The following SH3PXD2B variants were observed in gnomAD, a reference collection of about 807,000 sequenced individuals.
SH3PXD2B encodes the protein SH3 and PX domains 2B, also known as SH3 and PX domain-containing protein 2B.
In SH3PXD2B, 37 loss-of-function variants were observed where a neutral mutation model predicts 73.1. The ratio of observed to expected loss-of-function variants is 0.51; its 90% CI spans 0.39 to 0.67. SH3PXD2B has a LOEUF of 0.67. Among genes scored for constraint, SH3PXD2B ranks in the 30% least tolerant of loss-of-function variants. SH3PXD2B has a pLI of 0.00. For synonymous variants in SH3PXD2B, 457 were observed against 480.5 expected, an observed-to-expected ratio of 0.95 and a Z score of 0.64; for missense variants, 1,053 against 1,197.8, an observed-to-expected ratio of 0.88 and a Z score of 1.78.
At position 172,394,622 on chromosome 5, in the gene SH3PXD2B, G is replaced by T. The variant is rs61755907; in HGVS notation, c.250C>A (p.Arg84=). Residue 84 remains arginine, a synonymous_variant, in exon 4 of 13, where the codon CGA becomes AGA. Coordinates refer to ENST00000311601, the MANE Select transcript of SH3PXD2B (RefSeq NM_001017995.3). ...ACAGCCACGTCCCGGATGTGGCTTC[G>T]TCTGAAGAGAATCTTACCTGCAGAA... ...PFLPGKILFR[R]SHIRDVAVKR... is the part of the protein sequence containing the mutation. The T allele has an allele frequency of 2.5e-6, 4 of 1,614,078 alleles. No homozygotes were observed. The South Asian group carries it at 4.4e-5, about 18-fold the overall frequency.
chr5:172,404,826 T>C (rs1758515707), intron 3 of SH3PXD2B, among the ~76,000 whole-genome samples: 1 of 152,152 alleles, frequency 6.6e-6, no homozygotes, highest in South Asian at 2.1e-4. Context: ...GAGGGGGGCA[T>C]GCTGGGATTG....
intron 2 of SH3PXD2B, among the ~76,000 whole-genome samples, chr5:172,410,264 G>A (rs1262627834): frequency 1.3e-5 from 2 of 152,192 alleles, no homozygotes; most frequent in African/African-American, 2.4e-5. Context: ...CCCACCAACT[G>A]TGTGTAAGAG....
At chr5:172,379,593 C>T (rs1301175878) in intron 5 of SH3PXD2B, among the ~76,000 whole-genome samples, 1 of 152,194 alleles carries the variant, frequency 6.6e-6, no homozygotes, top group East Asian at 1.9e-4. Context: ...GCATCTTGAT[C>T]AACTCTTAAG....
intron 1 of SH3PXD2B, among the ~76,000 whole-genome samples, chr5:172,453,117 T>TAGA (rs199541132): frequency 0.012 from 1,829 of 152,174 alleles, 36 homozygotes; most frequent in African/African-American, 0.04. Flanking sequence ...TAAGAATTAG[T>TAGA]TCTTAAAAAA....
In SH3PXD2B at chr5:172,422,400, G is replaced by T; in HGVS notation, c.156+16C>A. On this transcript the variant is annotated intron_variant, in intron 2 of 12. Transcript: ENST00000311601. ...CTTTCCGATCCTGCAGCTCACCAGA[G>T]ACCTCAAATCCTTACCTGGAGGTCA... 1 of 1,599,814 alleles carries T rather than the reference G, an allele frequency of 6.3e-7. No individual in the cohort carries two copies. Among genetic ancestry groups the T allele is most frequent in the Non-Finnish European group, 8.5e-7 (1 of 1,172,976 alleles).
intron 8 of SH3PXD2B, 95 bp from the exon 9 acceptor site, chr5:172,354,100 T>C: frequency 8.0e-7 from 1 of 1,243,858 alleles, no homozygotes; most frequent in South Asian, 1.2e-5. Context: ...GGAGGGAGGA[T>C]TTCCTTCAGA....
intron 4 of SH3PXD2B, among the ~76,000 whole-genome samples, chr5:172,392,741 C>A (rs1006022029): frequency 2.0e-5 from 3 of 152,084 alleles, no homozygotes; most frequent in Non-Finnish European, 4.4e-5. Flanking sequence ...GCCGAGATGG[C>A]GCCACGGCAC....
intron 1 of SH3PXD2B, among the ~76,000 whole-genome samples, chr5:172,435,369 TG>T (rs1415622084): frequency 6.6e-6 from 1 of 152,196 alleles, no homozygotes; most frequent in African/African-American, 2.4e-5. Flanking sequence ...AGATTGAGAA[TG>T]AGGATGGTCC....
At chr5:172,434,782 G>GTTTTTTTTTGTTTGTTT (rs1554087272) in intron 1 of SH3PXD2B, among the ~76,000 whole-genome samples, 20 of 66,334 alleles carry the variant, frequency 3.0e-4, no homozygotes, top group African/African-American at 9.2e-4. Flanking sequence ...ATGGCCAATG[G>GTTTTTTTTTGTTTGTTT]TTTTTTTTTT....
At chr5:172,325,487 CTGAG>C (rs1406306416) in intron 12 of SH3PXD2B, 9 of 674,382 alleles carry the variant, frequency 1.3e-5, no homozygotes, top group Non-Finnish European at 2.0e-5. Context: ...ATACCGCAGA[CTGAG>C]TAATTTATAA....
intron 1 of SH3PXD2B, among the ~76,000 whole-genome samples, chr5:172,446,428 G>A (rs1190091277): frequency 6.6e-6 from 1 of 152,204 alleles, no homozygotes; most frequent in African/African-American, 2.4e-5. Context: ...CAGCTGCAGG[G>A]ACCCACAGCT....
intron 2 of SH3PXD2B, 96 bp downstream of exon 2, chr5:172,422,320 A>G: frequency 8.4e-7 from 1 of 1,194,644 alleles, no homozygotes; most frequent in Non-Finnish European, 1.2e-6. Flanking sequence ...AAGTCTGGGA[A>G]ATTAAAAAAA....
intron 1 of SH3PXD2B, among the ~76,000 whole-genome samples, chr5:172,434,784 T>TTTTTTTTTTTTGTTTTG (rs1561581262): frequency 1.6e-5 from 1 of 63,450 alleles, no homozygotes; most frequent in African/African-American, 4.6e-5. Flanking sequence ...GGCCAATGGT[T>TTTTTTTTTTTTGTTTTG]TTTTTTTTTT....
chr5:172,436,755 CA>C (rs1172672803), intron 1 of SH3PXD2B, among the ~76,000 whole-genome samples: 1 of 152,246 alleles, frequency 6.6e-6, no homozygotes, highest in Non-Finnish European at 1.5e-5. Context: ...ACAGCTTCTG[CA>C]GCGGGTCATC....
Position 172,335,792 on chromosome 5 carries a change from G to GTA in SH3PXD2B, c.*2576_*2577insTA. The GTA allele has an allele frequency of 1.6e-6, 2 of 1,230,192 alleles. No individual in the cohort carries two copies. The highest frequency in any genetic ancestry group is 2.0e-6 in the Non-Finnish European group (2 of 987,548). 76.2% of individuals were successfully genotyped at this position (1,230,192 alleles called of 1,614,324 possible). On this transcript the variant is annotated 3_prime_UTR_variant, in exon 13 of 13. Transcript: ENST00000311601. The stretch of plus-strand genomic sequence containing the variant: ...CCACCCTGACCCACCCACTGCCTGG[G>GTA]GAAGTGTCTACCATTGTAGGAAAAG...
At chr5:172,329,773 G>A (rs1270225654), downstream of SH3PXD2B, among the ~76,000 whole-genome samples, 5 of 151,954 alleles carry the variant, frequency 3.3e-5, no homozygotes, top group African/African-American at 7.3e-5. Context: ...TCCTGACCTC[G>A]TGATCCGCCC....
Position 172,337,729 on chromosome 5 carries a change from A to T in SH3PXD2B, c.*640T>A. 2.0e-6 allele frequency: 2 copies of T among 992,862 alleles called. No individual in the cohort carries two copies. The highest frequency in any genetic ancestry group is 2.4e-6 in the Non-Finnish European group (2 of 834,360). 61.5% of individuals were successfully genotyped at this position (992,862 alleles called of 1,614,324 possible). A position where few individuals can be genotyped will look rare whatever the true frequency, so the allele number is the denominator to read the frequency against. On this transcript the variant is annotated 3_prime_UTR_variant, in exon 13 of 13. Coordinates refer to ENST00000311601, the MANE Select transcript of SH3PXD2B (RefSeq NM_001017995.3). ...GGTCCCAAGATAGAAGGTGGGAGGC[A>T]GGGCGGCTGAGCGGATCTCCAGGCC...
rs995729689 is a variant in SH3PXD2B, at chr5:172,353,509, C to T, written c.785+379G>A. On this transcript the variant is annotated intron_variant, in intron 9 of 12. Coordinates refer to ENST00000311601, the MANE Select transcript of SH3PXD2B (RefSeq NM_001017995.3). The surrounding 1 kb of genome is among the most constrained non-coding windows in gnomAD (Gnocchi z 4.3). ...TATCAGCCTAGGACGAATTACAGTC[C>T]ATGAGTGTTTATGCACCATCTTGTT... Among the ~76,000 whole-genome samples, 10 of 152,296 alleles carry T rather than the reference C, an allele frequency of 6.6e-5. No homozygotes were observed. The highest frequency in any genetic ancestry group is 2.4e-4 in the African/African-American group (10 of 41,564).
At chr5:172,364,526 A>G (rs1757467749) in intron 6 of SH3PXD2B, among the ~76,000 whole-genome samples, 1 of 152,098 alleles carries the variant, frequency 6.6e-6, no homozygotes. Context: ...GGAGCTGGGC[A>G]TGCTGGCACG....
Sources: gnomAD v4.1 joint callset for allele counts (sites outside exome capture counted in the v4.1 genomes callset) on GRCh38, gnomAD v4.1.1 for gene constraint, Gnocchi (gnomAD v3.1) non-coding constraint, MANE v1.5 for transcripts, NCBI Gene and HGNC (gene_info 2026-07-23, HGNC 2026-07-21) for gene names.